Variants in TAS2R1 observed in about 807,000 individuals in gnomAD.
TAS2R1 encodes taste receptor type 2 member 1.
For synonymous variants in TAS2R1, 141 were observed against 134.2 expected (o/e 1.05, Z -0.35); for missense variants, 370 against 353.4 (o/e 1.05, Z -0.38).
chr5:9,810,807 T>C, the TAS2R1 span, among the ~76,000 whole-genome samples: 3 of 152,144 alleles, frequency 2.0e-5, no homozygotes, highest in Non-Finnish European at 4.4e-5. Context: ...AATGGAACCT[T>C]GCCTGACAAT....
At chr5:9,875,375 T>C in the TAS2R1 span, among the ~76,000 whole-genome samples, 1 of 152,212 alleles carries the variant, frequency 6.6e-6, no homozygotes, top group East Asian at 1.9e-4. Context: ...TGTGCTTCCA[T>C]CTTGCAACTT....
At chr5:9,700,842 A>T (rs757748129) in intron 1 of TAS2R1, among the ~76,000 whole-genome samples, 1 of 152,076 alleles carries the variant, frequency 6.6e-6, no homozygotes, top group East Asian at 1.9e-4. Context: ...GATGCCGGTC[A>T]TGTTAGATTT....
chr5:9,869,314 G>A, the TAS2R1 span, among the ~76,000 whole-genome samples: 6 of 152,302 alleles, frequency 3.9e-5, no homozygotes, highest in East Asian at 1.2e-3. Flanking sequence ...CATGGCTGGG[G>A]AGGCCTCACA....
upstream of TAS2R1, among the ~76,000 whole-genome samples, chr5:9,631,404 T>G (rs867461608): frequency 3.9e-5 from 6 of 152,158 alleles, no homozygotes; most frequent in African/African-American, 1.2e-4. Context: ...CATGCCTGAC[T>G]GCTTTTTAAA....
the TAS2R1 span, among the ~76,000 whole-genome samples, chr5:9,830,775 C>G: frequency 6.6e-6 from 1 of 152,196 alleles, no homozygotes; most frequent in Non-Finnish European, 1.5e-5. Flanking sequence ...ACTCTGAGGT[C>G]TTCTTCCTTC....
chr5:9,762,348 G>A, the TAS2R1 span, among the ~76,000 whole-genome samples: 2 of 152,098 alleles, frequency 1.3e-5, no homozygotes, highest in Non-Finnish European at 2.9e-5. Flanking sequence ...TTATATTTTT[G>A]GTGAGAGTCA....
chr5:9,686,725 C>T (rs1465998530), intron 1 of TAS2R1, among the ~76,000 whole-genome samples: 2 of 152,138 alleles, frequency 1.3e-5, no homozygotes, highest in Non-Finnish European at 2.9e-5. Context: ...ATTACGTTCA[C>T]ATGACAGAAA....
chr5:9,888,470 A>C, the TAS2R1 span, among the ~76,000 whole-genome samples: 10 of 152,242 alleles, frequency 6.6e-5, no homozygotes, highest in Non-Finnish European at 1.0e-4. Flanking sequence ...GCTATCCCGG[A>C]CCCAACACAG....
the TAS2R1 span, among the ~76,000 whole-genome samples, chr5:9,884,631 A>G: frequency 1.3e-5 from 2 of 152,198 alleles, no homozygotes. Flanking sequence ...TTATTACTAA[A>G]GTAGCAATCT....
chr5:9,778,863 C>G, the TAS2R1 span, among the ~76,000 whole-genome samples: 7 of 152,252 alleles, frequency 4.6e-5, no homozygotes, highest in Non-Finnish European at 1.0e-4. Context: ...GGCCCTTTTG[C>G]TTTCTTATCA....
At chr5:9,841,499 T>C in the TAS2R1 span, among the ~76,000 whole-genome samples, 3 of 152,194 alleles carry the variant, frequency 2.0e-5, no homozygotes, top group Non-Finnish European at 4.4e-5. Context: ...ATTAAACTCA[T>C]ATCATGAGTT....
At chr5:9,840,833 T>TTTTA in the TAS2R1 span, among the ~76,000 whole-genome samples, 771 of 77,308 alleles carry the variant, frequency 1.0e-2, 6 homozygotes, top group African/African-American at 0.03. Flanking sequence ...TTTCATTTTA[T>TTTTA]TTTATTTATT....
At chr5:9,816,425 G>GA in the TAS2R1 span, among the ~76,000 whole-genome samples, 8 of 151,524 alleles carry the variant, frequency 5.3e-5, no homozygotes, top group Middle Eastern at 3.4e-3. Context: ...TTTAAAAACA[G>GA]AAAAAAAATG....
chr5:9,838,165 T>G, the TAS2R1 span, among the ~76,000 whole-genome samples: 2 of 152,292 alleles, frequency 1.3e-5, no homozygotes, highest in African/African-American at 4.8e-5. Flanking sequence ...TCCCTGGGTA[T>G]AGACCCCAGA....
chr5:9,770,323 A>G, the TAS2R1 span, among the ~76,000 whole-genome samples: 26 of 152,226 alleles, frequency 1.7e-4, 1 homozygote, highest in East Asian at 4.8e-3. Context: ...CTCTGCAATA[A>G]TTTGAAATCA....
the TAS2R1 span, among the ~76,000 whole-genome samples, chr5:9,746,662 A>C: frequency 6.6e-6 from 1 of 152,352 alleles, no homozygotes; most frequent in South Asian, 2.1e-4. Flanking sequence ...AAACTAACAC[A>C]GTAACAGAAA....
At chr5:9,773,419 TGTA>T in the TAS2R1 span, among the ~76,000 whole-genome samples, 8 of 152,204 alleles carry the variant, frequency 5.3e-5, no homozygotes, top group Non-Finnish European at 8.8e-5. Context: ...TGGTTAATCT[TGTA>T]GTCTTTATAT....
the TAS2R1 span, among the ~76,000 whole-genome samples, chr5:9,835,204 T>A: frequency 1.3e-5 from 2 of 152,172 alleles, no homozygotes; most frequent in Non-Finnish European, 2.9e-5. Flanking sequence ...GATGGATGTG[T>A]GCACATGAAA....
chr5:9,633,299 TA>T (rs1739907357), upstream of TAS2R1, among the ~76,000 whole-genome samples: 2 of 112,948 alleles, frequency 1.8e-5, no homozygotes, highest in African/African-American at 8.4e-5. Context: ...GTATATTATA[TA>T]TATATATATA....
Sources: allele counts gnomAD v4.1 joint callset (sites outside exome capture counted in the v4.1 genomes callset), GRCh38; gene constraint gnomAD v4.1.1; transcripts MANE v1.5; gene names NCBI Gene and HGNC (gene_info 2026-07-23, HGNC 2026-07-21).